Variants in ARID4A observed in about 807,000 individuals in gnomAD.
ARID4A encodes the protein AT-rich interactive domain-containing protein 4A.
A neutral mutation model predicts 148.6 loss-of-function variants in ARID4A; 39 were observed. The ratio of observed to expected loss-of-function variants is 0.26; its 90% CI spans 0.20 to 0.34. The LOEUF (loss-of-function observed/expected upper bound fraction) is 0.34. ARID4A is among the 10% of genes least tolerant of loss of function. The pLI is 1.00. For synonymous variants in ARID4A, 475 were observed against 481.2 expected, an observed-to-expected ratio of 0.99 and a Z score of 0.17; for missense variants, 1,265 against 1,449.1, an observed-to-expected ratio of 0.87 and a Z score of 2.06.
At position 58,301,278 on chromosome 14, in the gene ARID4A, TTCTTA is replaced by T. The variant is rs1419619857; in HGVS notation, c.7-297_7-293del. On this transcript the variant is annotated intron_variant, in intron 2 of 23. Transcript: ENST00000355431. ...AATATGAAATATTTTTTCTGTTTTT[TTCTTA>T]TCTTTCTGCTTATATAATAGTAGAA... 4.2e-5 allele frequency among the ~76,000 whole-genome samples: 5 copies of T among 120,044 alleles called. No homozygotes were observed. In the South Asian group the frequency reaches 1.4e-3, roughly 34 times the overall value. 78.8% of individuals were successfully genotyped at this position (120,044 alleles called of 152,430 possible). A position where few individuals can be genotyped will look rare whatever the true frequency, so the allele number is the denominator to read the frequency against.
intron 3 of ARID4A, among the ~76,000 whole-genome samples, chr14:58,302,588 G>T (rs2031268320): frequency 6.6e-6 from 1 of 152,136 alleles, no homozygotes; most frequent in African/African-American, 2.4e-5. Flanking sequence ...AACCCAGGAG[G>T]TGGAGATTGC....
chr14:58,331,846 C>T (rs1291314962), intron 11 of ARID4A, among the ~76,000 whole-genome samples: 1 of 152,016 alleles, frequency 6.6e-6, no homozygotes, highest in Admixed American at 6.6e-5. Context: ...GCCACATTTT[C>T]AGGGTGTGAA....
chr14:58,351,025 T>C (rs754659891), intron 15 of ARID4A, 48 bp from the exon 16 acceptor site: 119 of 1,512,386 alleles, frequency 7.9e-5, no homozygotes, highest in Middle Eastern at 4.9e-4. Context: ...CCTGCTTTTT[T>C]CCCCTTTATA....
At chr14:58,321,074 T>C (rs558939992) in intron 7 of ARID4A, among the ~76,000 whole-genome samples, 1 of 152,342 alleles carries the variant, frequency 6.6e-6, no homozygotes, top group Non-Finnish European at 1.5e-5. Context: ...TTGTCCCATA[T>C]CTGGTGATAC....
chr14:58,336,318 A>G (rs1277667416), intron 11 of ARID4A, among the ~76,000 whole-genome samples: 5 of 152,166 alleles, frequency 3.3e-5, no homozygotes, highest in South Asian at 4.1e-4. Context: ...TCTAAGCTAT[A>G]TATTGTCAAT....
intron 2 of ARID4A, among the ~76,000 whole-genome samples, chr14:58,301,201 T>A (rs2031136019): frequency 6.6e-6 from 1 of 152,120 alleles, no homozygotes; most frequent in South Asian, 2.1e-4. Flanking sequence ...TTCTTTTAAT[T>A]TGAAAAATTT....
intron 5 of ARID4A, among the ~76,000 whole-genome samples, chr14:58,312,525 A>T (rs1187981138): frequency 6.6e-6 from 1 of 151,598 alleles, no homozygotes. Context: ...GAAATAAATA[A>T]TTTTTTTTTA....
At chr14:58,332,726 C>G (rs558262629) in intron 11 of ARID4A, among the ~76,000 whole-genome samples, 1 of 152,084 alleles carries the variant, frequency 6.6e-6, no homozygotes, top group Non-Finnish European at 1.5e-5. Context: ...GGTGAGGCTA[C>G]GCTGTTTTAT....
At chr14:58,299,517 C>T (rs1202481308) in intron 1 of ARID4A, 2 of 420,370 alleles carry the variant, frequency 4.8e-6, no homozygotes, top group African/African-American at 2.0e-5. Flanking sequence ...AGCTATCTGT[C>T]CTGGAGCTCC....
intron 5 of ARID4A, among the ~76,000 whole-genome samples, chr14:58,317,947 A>G (rs1258531555): frequency 6.6e-6 from 1 of 152,034 alleles, no homozygotes; most frequent in Non-Finnish European, 1.5e-5. Context: ...CAACCTGGGT[A>G]AAATAGCAAA....
At position 58,332,384 on chromosome 14, in the gene ARID4A, A is replaced by G. The variant is rs78277554; in HGVS notation, c.906+2215A>G. On this transcript the variant is annotated intron_variant, in intron 11 of 23. Coordinates refer to ENST00000355431, the MANE Select transcript of ARID4A (RefSeq NM_002892.4). ...TAGGCACTGATTCATATGATTATTT[A>G]TTTTTCGGATGGTCAATTTCATAGC... 8.5e-4 allele frequency among the ~76,000 whole-genome samples: 130 copies of G among 152,078 alleles called. 2 individuals are homozygous for G. The East Asian group carries it at 0.015, about 17-fold the overall frequency.
intron 8 of ARID4A, among the ~76,000 whole-genome samples, chr14:58,324,415 A>G (rs1387127577): frequency 6.6e-6 from 1 of 152,072 alleles, no homozygotes; most frequent in East Asian, 1.9e-4. Flanking sequence ...AGCTACAAGT[A>G]CAGGAGTGTG....
At chr14:58,333,734 A>G (rs1169572875) in intron 11 of ARID4A, among the ~76,000 whole-genome samples, 2 of 152,100 alleles carry the variant, frequency 1.3e-5, no homozygotes, top group African/African-American at 2.4e-5. Context: ...TTATTTGTGC[A>G]TATTTATGCC....
At chr14:58,303,112 CATT>C (rs2031318735) in intron 3 of ARID4A, among the ~76,000 whole-genome samples, 1 of 151,836 alleles carries the variant, frequency 6.6e-6, no homozygotes, top group Non-Finnish European at 1.5e-5. Context: ...ACATTTTTAA[CATT>C]ATAGAGGTAT....
At chr14:58,304,650 AG>A (rs2031457564) in intron 3 of ARID4A, among the ~76,000 whole-genome samples, 1 of 152,012 alleles carries the variant, frequency 6.6e-6, no homozygotes, top group African/African-American at 2.4e-5. Context: ...CAATAAAGGC[AG>A]TTTTTTTTTA....
chr14:58,318,173 T>C (rs767824391), intron 5 of ARID4A, among the ~76,000 whole-genome samples: 2 of 152,164 alleles, frequency 1.3e-5, no homozygotes, highest in African/African-American at 2.4e-5. Flanking sequence ...TATTAAACTT[T>C]TGTGGAAAAA....
intron 7 of ARID4A, 51 bp from the exon 8 acceptor site, chr14:58,323,434 A>G (rs762414235): frequency 3.8e-6 from 6 of 1,573,260 alleles, no homozygotes; most frequent in Middle Eastern, 1.7e-4. Context: ...AATACTCTGT[A>G]TCAAATAATT....
chr14:58,353,535 C>A, intron 16 of ARID4A, 123 bp from the exon 17 acceptor site: 1 of 790,866 alleles, frequency 1.3e-6, no homozygotes, highest in Non-Finnish European at 2.0e-6. Flanking sequence ...TCTTCTCCTC[C>A]TCCACTGATA....
intron 11 of ARID4A, among the ~76,000 whole-genome samples, chr14:58,342,335 G>C (rs2034153760): frequency 1.3e-5 from 2 of 151,880 alleles, no homozygotes; most frequent in African/African-American, 4.8e-5. Flanking sequence ...TTGTTTAACT[G>C]TACCAAAACT....
Sources: allele counts gnomAD v4.1 joint callset (sites outside exome capture counted in the v4.1 genomes callset), GRCh38; gene constraint gnomAD v4.1.1; transcripts MANE v1.5; gene names NCBI Gene and HGNC (gene_info 2026-07-23, HGNC 2026-07-21).